KCNQ3: variants seen among roughly 807,000 people sequenced by gnomAD.
KCNQ3 encodes the protein potassium voltage-gated channel subfamily KQT member 3.
KCNQ3 carries 30 observed loss-of-function variants against 92.5 expected under a neutral mutation model. That is an observed-to-expected ratio of 0.32 (90% CI 0.24 to 0.44). KCNQ3 has a LOEUF of 0.44. Ranked by LOEUF, KCNQ3 falls within the 20% of genes least tolerant of loss-of-function variation. The pLI is 1.00. For synonymous variants in KCNQ3, 450 were observed against 468.8 expected (o/e 0.96, Z 0.52); for missense variants, 913 against 1,140.3 (o/e 0.80, Z 2.87).
chr8:132,382,877 C>T (rs1819790921), intron 1 of KCNQ3, among the ~76,000 whole-genome samples: 1 of 152,164 alleles, frequency 6.6e-6, no homozygotes, highest in Admixed American at 6.5e-5. Flanking sequence ...GTTCATTTGG[C>T]TAAGTTATTG....
intron 1 of KCNQ3, among the ~76,000 whole-genome samples, chr8:132,360,405 C>T (rs1819132569): frequency 6.6e-6 from 1 of 152,220 alleles, no homozygotes; most frequent in African/African-American, 2.4e-5. Flanking sequence ...TGACCCATCT[C>T]CTCTCACCAG....
chr8:132,135,642 G>C (rs1250521742), intron 12 of KCNQ3, among the ~76,000 whole-genome samples: 1 of 151,926 alleles, frequency 6.6e-6, no homozygotes, highest in Non-Finnish European at 1.5e-5. Flanking sequence ...ATTAAAATTG[G>C]CTGGTATTTT....
chr8:132,262,634 G>GTTTTT (rs10629932), intron 1 of KCNQ3, among the ~76,000 whole-genome samples: 7 of 141,840 alleles, frequency 4.9e-5, no homozygotes, highest in Admixed American at 7.0e-5. Flanking sequence ...TCTTACAGCA[G>GTTTTT]TTTTTTTTTT....
chr8:132,480,598 G>A lies in KCNQ3; in HGVS notation c.-66C>T, dbSNP rs766978256. 2 of 1,228,980 alleles carry A rather than the reference G, an allele frequency of 1.6e-6. No homozygotes were observed. The highest frequency in any genetic ancestry group is 2.5e-5 in the Admixed American group (1 of 39,342). The allele number at this position is 1,228,980 out of a possible 1,614,324, so 76.1% of individuals were successfully genotyped here. ...GCTCTGGGAAGAAGGGGCGCTCGGG[G>A]TGCGTGAACGAGGCGGCGGCGGCGG... On this transcript the variant is annotated 5_prime_UTR_variant, in exon 1 of 15. Transcript: ENST00000388996.
At chr8:132,208,897 A>AGATC (rs753516062) in intron 1 of KCNQ3, among the ~76,000 whole-genome samples, 14 of 152,092 alleles carry the variant, frequency 9.2e-5, no homozygotes, top group Non-Finnish European at 1.6e-4. Context: ...CTCCTAAAAC[A>AGATC]CCTCCTGGAT....
intron 1 of KCNQ3, among the ~76,000 whole-genome samples, chr8:132,279,026 G>A (rs1222583583): frequency 3.3e-5 from 5 of 151,974 alleles, no homozygotes. Context: ...GACCAGTCTG[G>A]CCAACATGAT....
intron 1 of KCNQ3, among the ~76,000 whole-genome samples, chr8:132,249,567 A>G (rs1420270445): frequency 6.6e-6 from 1 of 152,162 alleles, no homozygotes; most frequent in East Asian, 1.9e-4. Flanking sequence ...CCAAATCCCC[A>G]CTAGACTCAG....
intron 1 of KCNQ3, among the ~76,000 whole-genome samples, chr8:132,301,642 A>G (rs543527305): frequency 5.3e-5 from 8 of 152,328 alleles, no homozygotes; most frequent in Non-Finnish European, 8.8e-5. Flanking sequence ...TGATGGGATC[A>G]GGAAGGTAAG....
intron 1 of KCNQ3, among the ~76,000 whole-genome samples, chr8:132,256,003 GAAAATTGTCAAAA>G (rs1815573584): frequency 6.6e-6 from 1 of 151,802 alleles, no homozygotes. Context: ...ACAGTCAACA[GAAAATTGTCAAAA>G]AAAATTGTCT....
chr8:132,184,435 T>C, intron 2 of KCNQ3, 68 bp from the exon 3 acceptor site: 1 of 1,590,450 alleles, frequency 6.3e-7, no homozygotes, highest in Non-Finnish European at 8.6e-7. Context: ...TGGTGATTTC[T>C]ATTCGGAAGT....
intron 1 of KCNQ3, among the ~76,000 whole-genome samples, chr8:132,452,063 T>C (rs938229381): frequency 6.6e-6 from 1 of 151,982 alleles, no homozygotes. Context: ...GGGTTTTTCG[T>C]TTGTTTGTCA....
chr8:132,418,136 T>C (rs2130806849), intron 1 of KCNQ3, among the ~76,000 whole-genome samples: 1 of 152,324 alleles, frequency 6.6e-6, no homozygotes, highest in African/African-American at 2.4e-5. Flanking sequence ...CTGGTTTTTT[T>C]CTGAGTAAGA....
At chr8:132,468,744 G>A (rs528088930) in intron 1 of KCNQ3, among the ~76,000 whole-genome samples, 5 of 152,152 alleles carry the variant, frequency 3.3e-5, no homozygotes, top group African/African-American at 1.2e-4. Context: ...AAAAAGGAGC[G>A]CATGGAGAGG....
At chr8:132,319,899 C>G (rs1817851384) in intron 1 of KCNQ3, among the ~76,000 whole-genome samples, 1 of 152,224 alleles carries the variant, frequency 6.6e-6, no homozygotes, top group Admixed American at 6.5e-5. Context: ...AGACCTCAAT[C>G]TAACCTTCTC....
intron 9 of KCNQ3, among the ~76,000 whole-genome samples, chr8:132,159,537 T>C (rs1825920011): frequency 6.6e-6 from 1 of 152,226 alleles, no homozygotes; most frequent in African/African-American, 2.4e-5. Context: ...TCTGGGATTT[T>C]AGAAACTGGT....
chr8:132,185,636 C>T (rs1406631554), intron 2 of KCNQ3, among the ~76,000 whole-genome samples: 1 of 152,158 alleles, frequency 6.6e-6, no homozygotes, highest in East Asian at 1.9e-4. Context: ...CAAATGCAGG[C>T]CCCAGGAGGG....
chr8:132,126,003 T>G lies in KCNQ3; in HGVS notation c.*3259A>C, dbSNP rs1673692235. 1 of 152,236 alleles carries G rather than the reference T, an allele frequency of 6.6e-6. No homozygotes were observed. Among genetic ancestry groups the G allele is most frequent in the Non-Finnish European group, 1.5e-5 (1 of 68,048 alleles). The allele number at this position is 152,236 out of a possible 1,614,324, so 9.4% of individuals were successfully genotyped here. A position where few individuals can be genotyped will look rare whatever the true frequency, so the allele number is the denominator to read the frequency against. Reference sequence around the variant, plus strand: ...TCAGCTCAATAGGATCATGTTTCGCTTAACATTTGTGAAGTTGATTTATCT... The same window carrying G: ...TCAGCTCAATAGGATCATGTTTCGCGTAACATTTGTGAAGTTGATTTATCT... On this transcript the variant is annotated 3_prime_UTR_variant, in exon 15 of 15. Coordinates refer to ENST00000388996, the MANE Select transcript of KCNQ3 (RefSeq NM_004519.4).
intron 1 of KCNQ3, among the ~76,000 whole-genome samples, chr8:132,416,216 T>G (rs1029292935): frequency 2.6e-5 from 4 of 152,248 alleles, no homozygotes; most frequent in Non-Finnish European, 5.9e-5. Flanking sequence ...CTATAAATAT[T>G]CATTGCTAAG....
Position 132,186,956 on chromosome 8 carries a change from C to CAGAGAGAGAGAGAGAGAGAG in KCNQ3, c.387-795_387-776dup, listed in dbSNP as rs1160355665. On this transcript the variant is annotated intron_variant, in intron 1 of 14. Transcript: ENST00000388996. Reference sequence around the variant, plus strand: ...TGTGAGAGAGAGAGAGAGAGAGAGACAGAGAGAGAGAGAGAGAGAGAGAGA... The same window carrying CAGAGAGAGAGAGAGAGAGAG: ...TGTGAGAGAGAGAGAGAGAGAGAGACAGAGAGAGAGAGAGAGAGAGAGAGAGAGAGAGAGAGAGAGAGAGA... Among the ~76,000 whole-genome samples, 93 of 94,232 alleles carry CAGAGAGAGAGAGAGAGAGAG rather than the reference C, an allele frequency of 9.9e-4. 2 individuals carry two copies. Among genetic ancestry groups the CAGAGAGAGAGAGAGAGAGAG allele is most frequent in the Non-Finnish European group, 1.4e-3 (69 of 49,620 alleles). 61.8% of individuals were successfully genotyped at this position (94,232 alleles called of 152,430 possible).
Sources: allele counts gnomAD v4.1 joint callset (sites outside exome capture counted in the v4.1 genomes callset), GRCh38; gene constraint gnomAD v4.1.1; transcripts MANE v1.5; gene names NCBI Gene and HGNC (gene_info 2026-07-23, HGNC 2026-07-21).